The following PCDHGA1 variants were observed in gnomAD, a reference collection of about 807,000 sequenced individuals.
The protein encoded by PCDHGA1 is protocadherin gamma subfamily A, 1.
In PCDHGA1, 32 loss-of-function variants were observed where a neutral mutation model predicts 58.0. The ratio of observed to expected loss-of-function variants is 0.55; its 90% CI spans 0.42 to 0.74. The LOEUF is 0.74. Among genes scored for constraint, PCDHGA1 ranks in the 30% least tolerant of loss-of-function variants. The pLI is 0.00. For missense variants in PCDHGA1, 1,205 were observed against 1,182.3 expected (o/e 1.02, Z -0.28); for synonymous variants, 498 against 501.1 (o/e 0.99, Z 0.08).
Position 141,485,831 on chromosome 5 carries a change from C to T in PCDHGA1, c.2422-8976C>T. 1 of 1,614,080 alleles carries T rather than the reference C, an allele frequency of 6.2e-7. No individual in the cohort carries two copies. The highest frequency in any genetic ancestry group is 8.5e-7 in the Non-Finnish European group (1 of 1,180,026). ...GCTGACTGCTGTCGATGGAGGGAAC[C>T]CGCCGAGATCTGGCACCGCAGAGCT... On this transcript the variant is annotated intron_variant, in intron 1 of 3. Coordinates refer to ENST00000517417, the MANE Select transcript of PCDHGA1 (RefSeq NM_018912.3). This position sits in a 1 kb window ranked among gnomAD's most constrained non-coding sequence, Gnocchi z 5.7.
intron 1 of PCDHGA1, chr5:141,418,958 G>A: frequency 4.3e-6 from 7 of 1,614,000 alleles, no homozygotes; most frequent in Non-Finnish European, 5.9e-6. Context: ...AGTGGTTGTT[G>A]CCCTCTTCAA....
At chr5:141,498,073 T>C (rs1474889879) in intron 2 of PCDHGA1, among the ~76,000 whole-genome samples, 1 of 152,214 alleles carries the variant, frequency 6.6e-6, no homozygotes, top group Non-Finnish European at 1.5e-5. Context: ...CTGTCATAAG[T>C]GCTAGGTAGA....
chr5:141,386,174 A>G (rs2090487407), intron 1 of PCDHGA1, among the ~76,000 whole-genome samples: 1 of 152,240 alleles, frequency 6.6e-6, no homozygotes, highest in South Asian at 2.1e-4. Flanking sequence ...ACCTTAGACC[A>G]TCTTATGTAC....
chr5:141,472,335 A>T (rs1033984936), intron 1 of PCDHGA1, among the ~76,000 whole-genome samples: 38 of 151,784 alleles, frequency 2.5e-4, no homozygotes, highest in Non-Finnish European at 2.5e-4. Context: ...AGGTTGGGAG[A>T]TCGAGACCAT....
rs752984415 is a variant in PCDHGA1, at chr5:141,360,537, A to G, written c.2421+27432A>G. 29 of 1,614,000 alleles carry G rather than the reference A, an allele frequency of 1.8e-5. 1 individual carries two copies. The South Asian group carries it at 2.9e-4, about 16-fold the overall frequency. On this transcript the variant is annotated intron_variant, in intron 1 of 3. Transcript: ENST00000517417. ...TAAATGATAATACCCCGCTATTCAA[A>G]CAGACTAAGATTAATTTAAAAATTG...
chr5:141,364,405 G>T, intron 1 of PCDHGA1: 1 of 1,609,906 alleles, frequency 6.2e-7, no homozygotes, highest in Non-Finnish European at 8.5e-7. Flanking sequence ...CGCTGTGCGA[G>T]CCAGGATCCG....
In PCDHGA1 at chr5:141,423,840, A is replaced by G. The variant is rs189449471; in HGVS notation, c.2422-70967A>G. ...CTTTGCCTTTCATGAGATTACGATA[A>G]TCTTTCAGAACGTTTTTGTGAAAGT... On this transcript the variant is annotated intron_variant, in intron 1 of 3. Coordinates refer to ENST00000517417, the MANE Select transcript of PCDHGA1 (RefSeq NM_018912.3). 1,637 of 1,279,840 alleles carry G rather than the reference A, an allele frequency of 1.3e-3. 3 individuals carry two copies. The highest frequency in any genetic ancestry group is 1.5e-3 in the Non-Finnish European group (1,519 of 1,009,392). 79.3% of individuals were successfully genotyped at this position (1,279,840 alleles called of 1,614,324 possible).
chr5:141,366,931 G>GA, intron 1 of PCDHGA1: 2 of 939,892 alleles, frequency 2.1e-6, no homozygotes, highest in Non-Finnish European at 3.0e-6. Context: ...TCTGTTTTGG[G>GA]AAGTCTAGCT....
In PCDHGA1 at chr5:141,365,555, G is replaced by T. The variant is rs766239362; in HGVS notation, c.2421+32450G>T. ...TTACTATCACCTATTAACAACTAGG[G>T]ACCTGGACAGAGAAGAGACTTCAGA... On this transcript the variant is annotated intron_variant, in intron 1 of 3. Transcript: ENST00000517417. The T allele has an allele frequency of 4.3e-5, 70 of 1,613,524 alleles. No individual in the cohort carries two copies. The Admixed American group carries it at 5.7e-4, about 13-fold the overall frequency.
In PCDHGA1 at chr5:141,492,559, C is replaced by A. The variant is rs533830391; in HGVS notation, c.2422-2248C>A. ...GGGCTGGGCCGGGTCGCCTGGGGGG[C>A]GGCCTGAGCGAGGCGCGGGGCCAGG... On this transcript the variant is annotated intron_variant, in intron 1 of 3. Coordinates refer to ENST00000517417, the MANE Select transcript of PCDHGA1 (RefSeq NM_018912.3). 2.6e-5 allele frequency among the ~76,000 whole-genome samples: 4 copies of A among 152,292 alleles called. No individual in the cohort carries two copies. The East Asian group carries it at 7.7e-4, about 29-fold the overall frequency.
At chr5:141,388,369 T>G in intron 1 of PCDHGA1, 1 of 1,614,006 alleles carries the variant, frequency 6.2e-7, no homozygotes, top group Non-Finnish European at 8.5e-7. Flanking sequence ...GATGCGGATA[T>G]TGGTAGCAAC....
intron 1 of PCDHGA1, among the ~76,000 whole-genome samples, chr5:141,456,033 G>A (rs1398584179): frequency 6.6e-6 from 1 of 151,884 alleles, no homozygotes; most frequent in Non-Finnish European, 1.5e-5. Flanking sequence ...GAGTAGCTGG[G>A]ACTACAGGCG....
intron 1 of PCDHGA1, among the ~76,000 whole-genome samples, chr5:141,380,801 AT>A (rs1776749377): frequency 6.6e-6 from 1 of 152,258 alleles, no homozygotes; most frequent in Non-Finnish European, 1.5e-5. Context: ...TAAGAAACAA[AT>A]GTGAGATGAA....
intron 1 of PCDHGA1, chr5:141,413,580 A>G (rs1216926250): frequency 5.0e-6 from 8 of 1,613,804 alleles, no homozygotes; most frequent in Non-Finnish European, 1.7e-6. Context: ...ACAATGCTCC[A>G]AAATTCCAAG....
In PCDHGA1 at chr5:141,332,901, C is replaced by G. The variant is rs1204665120; in HGVS notation, c.2217C>G (p.His739Gln). The part of the protein sequence containing the change: ...GGGLASMPGS[H>Q]FVGVDGVRAF... ...GCTTAGCGAGCATGCCCGGTTCGCA[C>G]TTTGTGGGCGTGGACGGGGTTCGGG... The change falls in exon 1 of 4, where the codon CAC becomes CAG. Residue 739 changes from histidine (H) to glutamine (Q), a missense_variant. Physicochemically the swap from His to Gln is conservative, Grantham distance 24 (BLOSUM62 0). Coordinates refer to ENST00000517417, the MANE Select transcript of PCDHGA1 (RefSeq NM_018912.3). This position sits in a 1 kb window ranked among gnomAD's most constrained non-coding sequence, Gnocchi z 4.6. 6.2e-7 allele frequency: 1 copy of G among 1,614,118 alleles called. No homozygotes were observed. The highest frequency in any genetic ancestry group is 8.5e-7 in the Non-Finnish European group (1 of 1,180,040).
intron 1 of PCDHGA1, chr5:141,355,836 C>T (rs1343860462): frequency 6.2e-7 from 1 of 1,612,432 alleles, no homozygotes; most frequent in East Asian, 2.2e-5. Flanking sequence ...ACCTCGTTCT[C>T]ACGGCCTTCG....
At chr5:141,380,893 A>G (rs1776824840) in intron 1 of PCDHGA1, among the ~76,000 whole-genome samples, 2 of 152,246 alleles carry the variant, frequency 1.3e-5, no homozygotes, top group East Asian at 3.8e-4. Flanking sequence ...TTTGTTTGAA[A>G]ATATCTACAA....
Position 141,505,488 on chromosome 5 carries a change from G to A in PCDHGA1, c.2569+7G>A. On this transcript the variant is annotated splice_region_variant and intron_variant, in intron 3 of 3. Transcript: ENST00000517417. Reference sequence around the variant, plus strand: ...ATCTTGGCGTCCGCCAGTGGTAAGTGGTGTCAGTGTGTGTATGGAAGAGTG... The same window carrying A: ...ATCTTGGCGTCCGCCAGTGGTAAGTAGTGTCAGTGTGTGTATGGAAGAGTG... The A allele has an allele frequency of 6.2e-7, 1 of 1,614,222 alleles. No individual in the cohort carries two copies. The highest frequency in any genetic ancestry group is 8.5e-7 in the Non-Finnish European group (1 of 1,180,018).
chr5:141,398,107 A>C, intron 1 of PCDHGA1: 1 of 1,595,524 alleles, frequency 6.3e-7, no homozygotes, highest in Non-Finnish European at 8.5e-7. Flanking sequence ...GCTGGTGAGC[A>C]AGCTGAGGAG....
Sources: gnomAD v4.1 joint callset for allele counts (sites outside exome capture counted in the v4.1 genomes callset) on GRCh38, gnomAD v4.1.1 for gene constraint, Gnocchi (gnomAD v3.1) non-coding constraint, MANE v1.5 for transcripts, NCBI Gene and HGNC (gene_info 2026-07-23, HGNC 2026-07-21) for gene names.